Variants in BAZ2B observed in about 807,000 individuals in gnomAD.
The protein encoded by BAZ2B is bromodomain adjacent to zinc finger domain 2B.
A neutral mutation model predicts 246.0 loss-of-function variants in BAZ2B; 91 were observed. That is an observed-to-expected ratio of 0.37 (90% CI 0.31 to 0.44). BAZ2B has a LOEUF of 0.44. Among genes scored for constraint, BAZ2B ranks in the 20% least tolerant of loss-of-function variants. The probability of loss-of-function intolerance (pLI) is 1.00; values close to 1 mark genes in which losing one functional copy is unlikely to be tolerated. For synonymous variants in BAZ2B, 855 were observed against 860.0 expected, an observed-to-expected ratio of 0.99 and a Z score of 0.10; for missense variants, 2,332 against 2,533.7, an observed-to-expected ratio of 0.92 and a Z score of 1.71.
intron 17 of BAZ2B, 91 bp from the exon 18 acceptor site, chr2:159,398,985 C>A: frequency 8.1e-7 from 1 of 1,236,184 alleles, no homozygotes; most frequent in Non-Finnish European, 1.2e-6. Context: ...ACATGTCTCA[C>A]AAGGTACGAA....
Position 159,349,057 on chromosome 2 carries a change from A to G in BAZ2B, c.5087T>C (p.Val1696Ala). The change falls in exon 29 of 37, where the codon GTT becomes GCT. Residue 1696 changes from valine (V) to alanine (A), a missense_variant. Val to Ala is a moderately conservative substitution (Grantham distance 64, BLOSUM62 0). This residue lies in a region of BAZ2B where 676 missense variants were observed against 668.6 expected (regional missense o/e 1.01). Coordinates refer to ENST00000392783, the MANE Select transcript of BAZ2B (RefSeq NM_013450.4). ...EKATSAQPAA[V>A]EVAKPVDFPS... is the part of the protein sequence containing the mutation. ...AAAATCTACTGGTTTTGCTACTTCA[A>G]CAGCTGCAGGTTGAGCTGAAGTGGC... The G allele has an allele frequency of 1.9e-6, 3 of 1,614,110 alleles. No homozygotes were observed. Among genetic ancestry groups the G allele is most frequent in the Non-Finnish European group, 8.5e-7 (1 of 1,179,994 alleles).
the BAZ2B span, among the ~76,000 whole-genome samples, chr2:159,668,763 T>G: frequency 6.6e-6 from 1 of 152,142 alleles, no homozygotes; most frequent in African/African-American, 2.4e-5. Context: ...TAGAGCTTTG[T>G]TTTCTAATTT....
At chr2:159,377,710 G>A (rs2061549788) in intron 25 of BAZ2B, among the ~76,000 whole-genome samples, 2 of 151,460 alleles carry the variant, frequency 1.3e-5, no homozygotes, top group Admixed American at 6.6e-5. Context: ...CTACTCGGGA[G>A]GCTGAGGCAG....
chr2:159,332,845 A>C, intron 33 of BAZ2B, 159 bp from the exon 34 acceptor site: 1 of 785,150 alleles, frequency 1.3e-6, no homozygotes, highest in East Asian at 2.8e-5. Context: ...CTTTCGTTAC[A>C]CAGATATGGA....
chr2:159,344,821 A>G (rs1015982328), intron 31 of BAZ2B, among the ~76,000 whole-genome samples: 1 of 152,174 alleles, frequency 6.6e-6, no homozygotes, highest in Non-Finnish European at 1.5e-5. Context: ...CTTGAAAAAA[A>G]ACTGATCTCA....
Position 159,385,163 on chromosome 2 carries a change from A to G in BAZ2B, c.3678T>C (p.Ser1226=), listed in dbSNP as rs759403896. The G allele has an allele frequency of 1.1e-5, 18 of 1,612,126 alleles. No individual in the cohort carries two copies. The highest frequency in any genetic ancestry group is 1.5e-5 in the Non-Finnish European group (18 of 1,178,592). ...CCTGGGCATATGCTCACCTGACCAC[A>G]CTCTTGCTGCATGCCAGTTCATTGA... ...FLINELACSK[S]VVSEIDKNID... is the part of the protein sequence containing the mutation. Residue 1226 remains serine (S), a synonymous_variant, in exon 23 of 37, where the codon AGT becomes AGC. Transcript: ENST00000392783.
chr2:159,681,650 G>T, the BAZ2B span, among the ~76,000 whole-genome samples: 3 of 152,186 alleles, frequency 2.0e-5, no homozygotes, highest in Admixed American at 6.5e-5. Flanking sequence ...ATTATTTCAG[G>T]CTGGGTGTGG....
chr2:159,690,985 T>C, the BAZ2B span, among the ~76,000 whole-genome samples: 3 of 152,166 alleles, frequency 2.0e-5, no homozygotes, highest in African/African-American at 7.2e-5. Flanking sequence ...ATGTCCTTGG[T>C]GTTTTCCATT....
intron 1 of BAZ2B, among the ~76,000 whole-genome samples, chr2:159,590,985 T>C (rs988174143): frequency 2.0e-5 from 3 of 152,240 alleles, no homozygotes; most frequent in African/African-American, 7.2e-5. Context: ...CATTTAATAG[T>C]ATTTTAAAGC....
At chr2:159,556,820 A>G (rs2089197338) in intron 1 of BAZ2B, among the ~76,000 whole-genome samples, 1 of 152,206 alleles carries the variant, frequency 6.6e-6, no homozygotes, top group South Asian at 2.1e-4. Context: ...GTTTAGTATC[A>G]AAAAGTAACA....
At chr2:159,517,313 T>C (rs984410732) in intron 2 of BAZ2B, among the ~76,000 whole-genome samples, 15 of 152,002 alleles carry the variant, frequency 9.9e-5, no homozygotes, top group South Asian at 6.2e-4. Flanking sequence ...GTTTTTTTTT[T>C]CCCCCCAAAT....
At chr2:159,316,618 A>G (rs948517597), downstream of BAZ2B, among the ~76,000 whole-genome samples, 4 of 126,136 alleles carry the variant, frequency 3.2e-5, no homozygotes, top group Non-Finnish European at 6.4e-5. Context: ...TGAACCCAGG[A>G]GGCGGAGCTT....
In BAZ2B at chr2:159,430,854, T is replaced by C. The variant is rs923870397; in HGVS notation, c.2194+9A>G. On this transcript the variant is annotated intron_variant, in intron 10 of 36. Coordinates refer to ENST00000392783, the MANE Select transcript of BAZ2B (RefSeq NM_013450.4). ...CTACTTTAGAATAATAAAAATAAAG[T>C]GTAGGTACCAGAGTGTGGGCTTGAA... 6.2e-7 allele frequency: 1 copy of C among 1,603,188 alleles called. No homozygotes were observed. The highest frequency in any genetic ancestry group is 8.5e-7 in the Non-Finnish European group (1 of 1,176,128).
At chr2:159,703,200 G>A in the BAZ2B span, among the ~76,000 whole-genome samples, 26 of 151,672 alleles carry the variant, frequency 1.7e-4, no homozygotes, top group African/African-American at 6.3e-4. Context: ...AATTCTCCCT[G>A]CCTCAGCTTT....
chr2:159,555,069 GGT>G (rs61204311), intron 2 of BAZ2B, among the ~76,000 whole-genome samples: 79,430 of 123,172 alleles, frequency 0.64, 29,526 homozygotes, highest in African/African-American at 0.84. Context: ...GTATGTGGGG[GGT>G]GTGTGTGTGT....
chr2:159,324,625 TACACACACACACACACACAC>T (rs60009917), intron 36 of BAZ2B, among the ~76,000 whole-genome samples, 166 bp downstream of exon 36: 3,903 of 132,998 alleles, frequency 0.029, 133 homozygotes, highest in African/African-American at 0.074. Flanking sequence ...TCTAACCAAA[TACACACACACACACACACAC>T]ACACACACAC....
chr2:159,565,347 A>AG (rs1287318961), intron 1 of BAZ2B, among the ~76,000 whole-genome samples: 1 of 152,218 alleles, frequency 6.6e-6, no homozygotes, highest in Non-Finnish European at 1.5e-5. Context: ...CTATACCTAG[A>AG]GGGGGAGTGG....
chr2:159,385,018 C>A, intron 23 of BAZ2B, 137 bp downstream of exon 23: 1 of 898,306 alleles, frequency 1.1e-6, no homozygotes, highest in Non-Finnish European at 1.7e-6. Flanking sequence ...TCTCTAAATA[C>A]TGAGATAAGT....
At chr2:159,429,096 T>C (rs2070577480) in intron 11 of BAZ2B, 104 bp downstream of exon 11, 4 of 739,974 alleles carry the variant, frequency 5.4e-6, no homozygotes, top group South Asian at 7.0e-5. Context: ...ACTATGCAGC[T>C]ATGTACTTCT....
Sources: allele counts gnomAD v4.1 joint callset (sites outside exome capture counted in the v4.1 genomes callset), GRCh38; gene constraint gnomAD v4.1.1; regional missense constraint gnomAD v4.1.1; transcripts MANE v1.5; gene names NCBI Gene and HGNC (gene_info 2026-07-23, HGNC 2026-07-21).